TBC1D15: variants seen among roughly 807,000 people sequenced by gnomAD.
TBC1D15 encodes the protein TBC1 domain family member 15, also known as GAP for RAB7.
Under a neutral mutation model 95.4 loss-of-function variants are expected in TBC1D15, and 39 were observed. That is an observed-to-expected ratio of 0.41 (90% CI 0.32 to 0.53). The LOEUF (loss-of-function observed/expected upper bound fraction) is 0.53. Ranked by LOEUF, TBC1D15 falls within the 20% of genes least tolerant of loss-of-function variation. The pLI, the probability that TBC1D15 is intolerant of heterozygous loss-of-function variation, is 0.29. For synonymous variants in TBC1D15, 258 were observed against 261.3 expected (o/e 0.99, Z 0.12); for missense variants, 733 against 794.3 (o/e 0.92, Z 0.93).
chr12:71,854,564 C>A (rs779072315), intron 1 of TBC1D15: 3 of 456,354 alleles, frequency 6.6e-6, no homozygotes, highest in African/African-American at 2.0e-5. Context: ...TTCTGACAGG[C>A]GACATTATCA....
At chr12:71,841,668 G>A (rs1432703683) in intron 1 of TBC1D15, among the ~76,000 whole-genome samples, 2 of 152,094 alleles carry the variant, frequency 1.3e-5, no homozygotes, top group East Asian at 1.9e-4. Flanking sequence ...TACTATCAGC[G>A]CATAGTTCAG....
chr12:71,907,571 A>G (rs1901045600), intron 11 of TBC1D15: 1 of 154,820 alleles, frequency 6.5e-6, no homozygotes, highest in African/African-American at 2.4e-5. Context: ...TTTGAGAAGT[A>G]TTGTAGTGCT....
At chr12:71,885,659 A>G (rs1397409722) in intron 5 of TBC1D15, among the ~76,000 whole-genome samples, 3 of 152,180 alleles carry the variant, frequency 2.0e-5, no homozygotes, top group Non-Finnish European at 2.9e-5. Flanking sequence ...TAAAATGGCA[A>G]TTAAAACTGA....
At chr12:71,900,445 A>G (rs77492327) in intron 10 of TBC1D15, among the ~76,000 whole-genome samples, 16,645 of 152,114 alleles carry the variant, frequency 0.11, 1,076 homozygotes, top group African/African-American at 0.16. Flanking sequence ...CCTGCTGCTC[A>G]AGGTCATCTC....
At chr12:71,912,433 G>A (rs1042105918) in intron 11 of TBC1D15, among the ~76,000 whole-genome samples, 5 of 152,026 alleles carry the variant, frequency 3.3e-5, no homozygotes, top group African/African-American at 1.2e-4. Context: ...ACAGGACTGT[G>A]GAAAGATGTG....
intron 10 of TBC1D15, among the ~76,000 whole-genome samples, chr12:71,899,005 G>A (rs1270674908): frequency 1.3e-5 from 2 of 152,132 alleles, no homozygotes; most frequent in Non-Finnish European, 2.9e-5. Flanking sequence ...TCTAACTGAA[G>A]CTTCTTGATA....
At chr12:71,871,802 A>G (rs1892755736) in intron 1 of TBC1D15, among the ~76,000 whole-genome samples, 1 of 152,248 alleles carries the variant, frequency 6.6e-6, no homozygotes, top group Admixed American at 6.5e-5. Context: ...AATTAGTCTG[A>G]CATCTTTGTT....
intron 1 of TBC1D15, among the ~76,000 whole-genome samples, chr12:71,847,013 GCCTCCTAAAGTT>G (rs1235803462): frequency 1.3e-5 from 2 of 151,964 alleles, no homozygotes; most frequent in Non-Finnish European, 2.9e-5. Flanking sequence ...GCTCACCTTG[GCCTCCTAAAGTT>G]CTGGGATTAC....
chr12:71,858,180 C>T (rs930406990), intron 1 of TBC1D15, among the ~76,000 whole-genome samples: 1 of 152,022 alleles, frequency 6.6e-6, no homozygotes, highest in African/African-American at 2.4e-5. Flanking sequence ...TCAAGCGATT[C>T]TCCTGCCTCA....
chr12:71,907,110 G>T lies in TBC1D15; in HGVS notation c.1272G>T (p.Met424Ile). 1 of 1,607,852 alleles carries T rather than the reference G, an allele frequency of 6.2e-7. No individual in the cohort carries two copies. The highest frequency in any genetic ancestry group is 1.1e-5 in the South Asian group (1 of 90,288). Residue 424 changes from methionine (M) to isoleucine (I), a missense_variant, in exon 11 of 17, where the codon ATG becomes ATT. Physicochemically the swap from Met to Ile is conservative, Grantham distance 10. Transcript: ENST00000485960. ...TGATTTTACTTCATGACATTTTGAT[G>T]ACCTACTGTATGTATGATTTTGATT... ...PGLILLHDIL[M>I]TYCMYDFDLG...
chr12:71,854,458 C>A (rs1015977895), intron 1 of TBC1D15: 1 of 425,952 alleles, frequency 2.3e-6, no homozygotes, highest in African/African-American at 2.1e-5. Context: ...AATTTGTTCT[C>A]TTTGTTGTTA....
chr12:71,859,262 T>A (rs1889841914), intron 1 of TBC1D15, among the ~76,000 whole-genome samples: 1 of 152,142 alleles, frequency 6.6e-6, no homozygotes, highest in African/African-American at 2.4e-5. Context: ...GAGAGATACC[T>A]ATTTAGCTTA....
intron 7 of TBC1D15, 68 bp downstream of exon 7, chr12:71,894,951 A>G (rs1025821889): frequency 6.8e-6 from 10 of 1,463,184 alleles, no homozygotes; most frequent in Middle Eastern, 3.6e-4. Context: ...TAGAAATAGA[A>G]ACTTAATTTT....
chr12:71,873,081 C>T lies in TBC1D15; in HGVS notation c.204+78C>T, dbSNP rs1324487686. ...TATTATCCATATATAATTCACATAC[C>T]ATAAAATGCATCCTTTTAAAGCATA... On this transcript the variant is annotated intron_variant, in intron 3 of 16. Coordinates refer to ENST00000485960, the MANE Select transcript of TBC1D15 (RefSeq NM_001146213.3). 4.2e-6 allele frequency: 4 copies of T among 947,130 alleles called. No homozygotes were observed. In the East Asian group the frequency reaches 7.4e-5, roughly 18 times the overall value. 58.7% of individuals were successfully genotyped at this position (947,130 alleles called of 1,614,324 possible). A position where few individuals can be genotyped will look rare whatever the true frequency, so the allele number is the denominator to read the frequency against.
chr12:71,880,693 C>T (rs1894960467), intron 4 of TBC1D15, 86 bp downstream of exon 4: 2 of 1,386,020 alleles, frequency 1.4e-6, no homozygotes, highest in Non-Finnish European at 1.9e-6. Context: ...GTGAATGCTC[C>T]TCAGTGAGAA....
chr12:71,920,942 TTGAG>T (rs1869051440), intron 15 of TBC1D15, 95 bp downstream of exon 15: 1 of 845,282 alleles, frequency 1.2e-6, no homozygotes, highest in African/African-American at 1.7e-5. Context: ...ATTAAATCTC[TTGAG>T]TAACTTAAAT....
At chr12:71,909,204 G>A (rs1901564057) in intron 11 of TBC1D15, among the ~76,000 whole-genome samples, 1 of 152,170 alleles carries the variant, frequency 6.6e-6, no homozygotes, top group Non-Finnish European at 1.5e-5. Flanking sequence ...CAAGCTTCCT[G>A]TGGATAACTG....
chr12:71,907,094 T>C lies in TBC1D15; in HGVS notation c.1256T>C (p.Leu419Pro). 6.2e-7 allele frequency: 1 copy of C among 1,611,480 alleles called. No individual in the cohort carries two copies. The highest frequency in any genetic ancestry group is 8.5e-7 in the Non-Finnish European group (1 of 1,178,490). ...EGQDNPGLIL[L>P]HDILMTYCMY... ...CAAGATAATCCAGGGTTGATTTTACTTCATGACATTTTGATGACCTACTGT... is the reference window on the plus strand; with the variant it reads ...CAAGATAATCCAGGGTTGATTTTACCTCATGACATTTTGATGACCTACTGT... Residue 419 changes from leucine to proline, a missense_variant, in exon 11 of 17, where the codon CTT (leucine) becomes CCT (proline). By Grantham distance (98) the Leu-to-Pro change is moderately conservative. Transcript: ENST00000485960.
intron 16 of TBC1D15, among the ~76,000 whole-genome samples, chr12:71,922,355 G>T (rs764226786): frequency 7.9e-5 from 12 of 151,768 alleles, no homozygotes; most frequent in Non-Finnish European, 1.3e-4. Context: ...AAAGTGCTGG[G>T]ATTACAGGCG....
Sources: allele counts gnomAD v4.1 joint callset (sites outside exome capture counted in the v4.1 genomes callset), GRCh38; gene constraint gnomAD v4.1.1; transcripts MANE v1.5; gene names NCBI Gene and HGNC (gene_info 2026-07-23, HGNC 2026-07-21).